The following PNPT1 variants were observed in gnomAD, a reference collection of about 807,000 sequenced individuals.
PNPT1 encodes the protein polyribonucleotide nucleotidyltransferase 1, mitochondrial.
PNPT1 carries 53 observed loss-of-function variants against 119.5 expected under a neutral mutation model. The observed-to-expected ratio is 0.44, with a 90% confidence interval of 0.36 to 0.56. The LOEUF is 0.56. PNPT1 is among the 20% of genes least tolerant of loss of function. PNPT1 has a pLI of 0.00. For missense variants in PNPT1, 948 were observed against 938.5 expected, an observed-to-expected ratio of 1.01 and a Z score of -0.13; for synonymous variants, 357 against 322.1, an observed-to-expected ratio of 1.11 and a Z score of -1.16.
At chr2:55,637,460 G>T in intron 27 of PNPT1, 92 bp downstream of exon 27, 4 of 1,176,714 alleles carry the variant, frequency 3.4e-6, no homozygotes, top group Non-Finnish European at 5.0e-6. Flanking sequence ...AAACTTCATA[G>T]ATGGTGACTC....
chr2:55,655,042 A>C, intron 17 of PNPT1, 89 bp from the exon 18 acceptor site: 1 of 1,213,468 alleles, frequency 8.2e-7, no homozygotes, highest in Non-Finnish European at 1.2e-6. Flanking sequence ...ATAAATATTC[A>C]GTTACAATAC....
intron 8 of PNPT1, among the ~76,000 whole-genome samples, chr2:55,676,332 A>AGTTTT (rs1697071092): frequency 6.6e-6 from 1 of 151,194 alleles, no homozygotes; most frequent in Non-Finnish European, 1.5e-5. Context: ...AAGATGAAGG[A>AGTTTT]GTTTTGAGAT....
At position 55,672,898 on chromosome 2, in the gene PNPT1, A is replaced by T. The variant is rs150220872; in HGVS notation, c.861T>A (p.Thr287=). Residue 287 remains threonine, a synonymous_variant, in exon 9 of 28, where the codon ACT becomes ACA. Coordinates refer to ENST00000447944, the MANE Select transcript of PNPT1 (RefSeq NM_033109.5). ...ATTTGCACAGATGTTCTTACTTATG[A>T]GTATATTTCACAATCTCTGGCGAAG... is the stretch of plus-strand genomic sequence containing the variant. ...FTPSPEIVKY[T]HKLAMERLYA... 1,155 of 1,592,118 alleles carry T rather than the reference A, an allele frequency of 7.3e-4. 16 individuals carry two copies. In the African/African-American group the frequency reaches 0.015, roughly 20 times the overall value.
In PNPT1 at chr2:55,693,646, C is replaced by G. The variant is rs558068456; in HGVS notation, c.161+17G>C. ...AGACACCTTATGACAATACAGTGAA[C>G]GCACGTCACTCCTTACCTGTTGCCT... On this transcript the variant is annotated intron_variant, in intron 1 of 27. Transcript: ENST00000447944. 277 of 1,613,638 alleles carry G rather than the reference C, an allele frequency of 1.7e-4. 3 individuals are homozygous for G. The South Asian group carries it at 3.0e-3, about 17-fold the overall frequency.
Position 55,662,105 on chromosome 2 carries a change from C to T in PNPT1, c.1177-79G>A, listed in dbSNP as rs756199078. 6.5e-4 allele frequency: 800 copies of T among 1,235,150 alleles called. 7 individuals are homozygous for T. The highest frequency in any genetic ancestry group is 2.5e-4 in the South Asian group (14 of 56,552). The allele number at this position is 1,235,150 out of a possible 1,614,324, so 76.5% of individuals were successfully genotyped here. A position where few individuals can be genotyped will look rare whatever the true frequency, so the allele number is the denominator to read the frequency against. ...AACTAAAAATACTTGAAGAATCCAA[C>T]TAACTCTTAAAAAAATGAGATAAGT... On this transcript the variant is annotated intron_variant, in intron 13 of 27. Coordinates refer to ENST00000447944, the MANE Select transcript of PNPT1 (RefSeq NM_033109.5).
chr2:55,668,401 T>C (rs1484153447), intron 11 of PNPT1, among the ~76,000 whole-genome samples: 1 of 151,998 alleles, frequency 6.6e-6, no homozygotes, highest in Non-Finnish European at 1.5e-5. Context: ...CATGCCTGGC[T>C]AATTTTTTTG....
chr2:55,663,814 T>TA (rs1398518065), intron 13 of PNPT1, among the ~76,000 whole-genome samples: 2 of 151,106 alleles, frequency 1.3e-5, no homozygotes, highest in South Asian at 4.2e-4. Context: ...CCGTCTCTAC[T>TA]AAAAAATACA....
intron 5 of PNPT1, among the ~76,000 whole-genome samples, chr2:55,682,220 A>G (rs1331847657): frequency 2.6e-5 from 4 of 152,116 alleles, no homozygotes; most frequent in Non-Finnish European, 4.4e-5. Flanking sequence ...GCACTTTGAG[A>G]GGCTGAGGCA....
chr2:55,657,457 C>T (rs895124586), intron 15 of PNPT1, among the ~76,000 whole-genome samples: 28 of 150,944 alleles, frequency 1.9e-4, no homozygotes, highest in African/African-American at 4.6e-4. Context: ...GGTGCAATCT[C>T]GGCTCACTGC....
In PNPT1 at chr2:55,636,741, A is replaced by C. The variant is rs79897006; in HGVS notation, c.2197-349T>G. 7.6e-3 allele frequency among the ~76,000 whole-genome samples: 1,152 copies of C among 152,282 alleles called. 34 individuals are homozygous for C. The highest frequency in any genetic ancestry group is 0.053 in the East Asian group (276 of 5,172). Reference sequence around the variant, plus strand: ...AGCCTAATTGTGTTATATACTATAGAGGATTATGCTTAGGTCACTTGGATT... The same window carrying C: ...AGCCTAATTGTGTTATATACTATAGCGGATTATGCTTAGGTCACTTGGATT... On this transcript the variant is annotated intron_variant, in intron 27 of 27. Coordinates refer to ENST00000447944, the MANE Select transcript of PNPT1 (RefSeq NM_033109.5).
In PNPT1 at chr2:55,644,669, C is replaced by T. The variant is rs1161764448; in HGVS notation, c.1874G>A (p.Gly625Asp). 6.2e-7 allele frequency: 1 copy of T among 1,612,246 alleles called. No homozygotes were observed. The highest frequency in any genetic ancestry group is 8.5e-7 in the Non-Finnish European group (1 of 1,178,766). The stretch of plus-strand genomic sequence containing the variant: ...AGCCTGAAGTTTTTTTAAGTTATAG[C>T]CACCAGGTCCAACAAATTTTGCTCG... ...SKRAKFVGPGGYNLKKLQAET... is the reference protein window; with the variant it reads ...SKRAKFVGPGDYNLKKLQAET... The change falls in exon 23 of 28, where the codon GGC becomes GAC. Residue 625 changes from glycine (G) to aspartate (D), a missense_variant. By Grantham distance (94) the Gly-to-Asp change is moderately conservative. Coordinates refer to ENST00000447944, the MANE Select transcript of PNPT1 (RefSeq NM_033109.5).
intron 18 of PNPT1, among the ~76,000 whole-genome samples, chr2:55,650,082 AAAG>A (rs972119006): frequency 4.6e-5 from 7 of 152,180 alleles, no homozygotes; most frequent in African/African-American, 1.7e-4. Flanking sequence ...TATGTTGGGG[AAAG>A]AAGGATTGGT....
chr2:55,638,562 TC>T (rs1437629912), intron 26 of PNPT1, among the ~76,000 whole-genome samples: 2 of 151,818 alleles, frequency 1.3e-5, no homozygotes, highest in Admixed American at 6.6e-5. Flanking sequence ...GGTGGGAGAA[TC>T]ACTTGAGCCT....
At chr2:55,663,106 G>T (rs188013230) in intron 13 of PNPT1, among the ~76,000 whole-genome samples, 3 of 152,020 alleles carry the variant, frequency 2.0e-5, no homozygotes, top group East Asian at 3.9e-4. Flanking sequence ...GTATGGTCTC[G>T]ATCTCCTGAC....
intron 24 of PNPT1, 25 bp downstream of exon 24, chr2:55,643,294 C>T (rs372852001): frequency 9.3e-6 from 15 of 1,610,976 alleles, no homozygotes; most frequent in Admixed American, 5.0e-5. Context: ...CTATATGATA[C>T]GTAATTAATA....
intron 1 of PNPT1, among the ~76,000 whole-genome samples, chr2:55,691,878 A>T (rs5831373): frequency 0.22 from 6,690 of 30,914 alleles, 730 homozygotes; most frequent in East Asian, 0.3. Context: ...ATATATATAT[A>T]TTTTTTTTTT....
At chr2:55,644,109 G>A (rs1385553132) in intron 23 of PNPT1, among the ~76,000 whole-genome samples, 1 of 152,118 alleles carries the variant, frequency 6.6e-6, no homozygotes, top group Admixed American at 6.5e-5. Context: ...CTTACGAGGG[G>A]TGAATAAATG....
chr2:55,652,924 T>C (rs938477750), intron 18 of PNPT1, among the ~76,000 whole-genome samples: 8 of 152,358 alleles, frequency 5.3e-5, no homozygotes, highest in Admixed American at 2.6e-4. Context: ...CTTGGCTCAC[T>C]GCAGCCTCCG....
At chr2:55,645,658 T>C (rs1029734653) in intron 21 of PNPT1, among the ~76,000 whole-genome samples, 18 of 152,222 alleles carry the variant, frequency 1.2e-4, no homozygotes, top group African/African-American at 3.4e-4. Flanking sequence ...TAACCCACTT[T>C]GGCGTGTATT....
Sources: gnomAD v4.1 joint callset for allele counts (sites outside exome capture counted in the v4.1 genomes callset) on GRCh38, gnomAD v4.1.1 for gene constraint, MANE v1.5 for transcripts, NCBI Gene and HGNC (gene_info 2026-07-23, HGNC 2026-07-21) for gene names.